ZFP30: variants seen among roughly 807,000 people sequenced by gnomAD.
ZFP30 encodes the protein ZFP30 zinc finger protein.
ZFP30 carries 16 observed loss-of-function variants against 12.3 expected under a neutral mutation model. The ratio of observed to expected loss-of-function variants is 1.30; its 90% CI spans 0.88 to 1.98. ZFP30 has a LOEUF of 1.98. Ranked by LOEUF, ZFP30 falls within the 30% of genes most tolerant of loss-of-function variation. The pLI is 0.00. For missense variants in ZFP30, 560 were observed against 611.2 expected (o/e 0.92, Z 0.88); for synonymous variants, 172 against 201.0 (o/e 0.86, Z 1.22).
chr19:37,647,642 A>G (rs2044568866), intron 3 of ZFP30, among the ~76,000 whole-genome samples, 172 bp downstream of exon 3: 1 of 152,212 alleles, frequency 6.6e-6, no homozygotes, highest in African/African-American at 2.4e-5. Flanking sequence ...CAGATGGAGA[A>G]GACAGGGGCA....
At chr19:37,646,322 A>T (rs2044543628) in intron 3 of ZFP30, among the ~76,000 whole-genome samples, 1 of 152,184 alleles carries the variant, frequency 6.6e-6, no homozygotes, top group Non-Finnish European at 1.5e-5. Context: ...TTATATTTAG[A>T]TATAGCTATA....
Position 37,635,792 on chromosome 19 carries a change from G to C in ZFP30, c.749C>G (p.Ala250Gly), listed in dbSNP as rs1194706871. 6.2e-7 allele frequency: 1 copy of C among 1,614,062 alleles called. No individual in the cohort carries two copies. The highest frequency in any genetic ancestry group is 8.5e-7 in the Non-Finnish European group (1 of 1,180,030). The change falls in exon 6 of 6, where the codon GCC (alanine) becomes GGC (glycine). Residue 250 changes from alanine (A) to glycine (G), a missense_variant. Ala to Gly is a moderately conservative substitution (Grantham distance 60). Transcript: ENST00000684514. The part of the protein sequence containing the change: ...KPYECKECGK[A>G]FRVRGQLNLH... ...ATTAAGTTGTCCTCTAACTCTAAAG[G>C]CTTTCCCACATTCTTTACATTCATA...
In ZFP30 at chr19:37,634,569, T is replaced by C. The variant is rs2044283567; in HGVS notation, c.*412A>G. ...GGAATTTTCTAATAAAGAAGAACTT[T>C]ACCTCCTTAACTTCTGGTTGCCCTG... On this transcript the variant is annotated 3_prime_UTR_variant, in exon 6 of 6. Coordinates refer to ENST00000684514, the MANE Select transcript of ZFP30 (RefSeq NM_001320669.3). 1 of 158,908 alleles carries C rather than the reference T, an allele frequency of 6.3e-6. No homozygotes were observed. Among genetic ancestry groups the C allele is most frequent in the Non-Finnish European group, 1.4e-5 (1 of 72,954 alleles). 9.8% of individuals were successfully genotyped at this position (158,908 alleles called of 1,614,324 possible).
chr19:37,636,300 C>T lies in ZFP30; in HGVS notation c.241G>A (p.Glu81Lys), dbSNP rs1355765858. ...AACTTTTTAGTGTCATATCTGGATT[C>T]CAAATCTGAAAGAAAACAAGACCAA... ...DEKRRWTLDL[E>K]SRYDTKKLFQ... Residue 81 changes from glutamate (E) to lysine (K), a missense_variant, in exon 6 of 6, where the codon GAA (glutamate) becomes AAA (lysine). By Grantham distance (56) the Glu-to-Lys change is moderately conservative (BLOSUM62 1). Transcript: ENST00000684514. 8.3e-6 allele frequency: 13 copies of T among 1,570,226 alleles called. No homozygotes were observed. Among genetic ancestry groups the T allele is most frequent in the Non-Finnish European group, 1.1e-5 (13 of 1,162,110 alleles).
chr19:37,654,681 T>G (rs1023027990), intron 2 of ZFP30, 31 bp downstream of exon 2: 1 of 152,166 alleles, frequency 6.6e-6, no homozygotes, highest in Non-Finnish European at 1.5e-5. Flanking sequence ...CGAATGCATT[T>G]CACAGAAACA....
chr19:37,638,776 ATAAT>A (rs1259287770), intron 5 of ZFP30, among the ~76,000 whole-genome samples: 3 of 152,168 alleles, frequency 2.0e-5, no homozygotes, highest in Non-Finnish European at 2.9e-5. Context: ...TTAAAAAATG[ATAAT>A]TAATAATCTA....
intron 2 of ZFP30, among the ~76,000 whole-genome samples, chr19:37,650,601 T>C (rs924280243): frequency 2.0e-5 from 3 of 152,190 alleles, no homozygotes; most frequent in Admixed American, 2.0e-4. Context: ...TTTCCACTTC[T>C]GAATTTTCAG....
At chr19:37,643,068 A>G (rs1055970735) in intron 5 of ZFP30, among the ~76,000 whole-genome samples, 197 bp downstream of exon 5, 4 of 151,402 alleles carry the variant, frequency 2.6e-5, no homozygotes, top group East Asian at 1.9e-4. Flanking sequence ...AAAAAAAAAA[A>G]AAAGAAAAAA....
At chr19:37,639,688 AT>A (rs2044397958) in intron 5 of ZFP30, among the ~76,000 whole-genome samples, 1 of 152,216 alleles carries the variant, frequency 6.6e-6, no homozygotes, top group Non-Finnish European at 1.5e-5. Context: ...TGAGAAGACA[AT>A]GGAAAAGTAA....
Position 37,652,707 on chromosome 19 carries a change from G to A in ZFP30, c.-78+2005C>T, listed in dbSNP as rs747033145. ...ATTGATCATTTTAATTTTCTTTATA[G>A]GTTCCGTAGTTACTAATATTTCACA... On this transcript the variant is annotated intron_variant, in intron 2 of 5. Transcript: ENST00000684514. Among the ~76,000 whole-genome samples, 199 of 152,054 alleles carry A rather than the reference G, an allele frequency of 1.3e-3. 1 individual carries two copies. The highest frequency in any genetic ancestry group is 1.2e-3 in the Non-Finnish European group (82 of 68,022).
intron 5 of ZFP30, among the ~76,000 whole-genome samples, chr19:37,642,188 T>C (rs1160447909): frequency 2.0e-5 from 3 of 152,228 alleles, no homozygotes; most frequent in Non-Finnish European, 2.9e-5. Context: ...TGAACACTTT[T>C]ATTAAGAGAA....
At chr19:37,649,019 C>T (rs867744988) in intron 2 of ZFP30, among the ~76,000 whole-genome samples, 1 of 151,810 alleles carries the variant, frequency 6.6e-6, no homozygotes, top group Non-Finnish European at 1.5e-5. Flanking sequence ...GGGAGGATTG[C>T]TTGATGCCAG....
Position 37,635,777 on chromosome 19 carries a change from CCTCTAA to C in ZFP30, c.758_763del (p.Val253_Arg254del), listed in dbSNP as rs755078692. On this transcript the variant is annotated inframe_deletion, in exon 6 of 6. Coordinates refer to ENST00000684514, the MANE Select transcript of ZFP30 (RefSeq NM_001320669.3). ...AATCCTTTGATGGAGATTAAGTTGT[CCTCTAA>C]CTCTAAAGGCTTTCCCACATTCTTT... 6.2e-7 allele frequency: 1 copy of C among 1,613,360 alleles called. No homozygotes were observed. The highest frequency in any genetic ancestry group is 8.5e-7 in the Non-Finnish European group (1 of 1,179,880).
At chr19:37,655,036 C>G (rs971379962) in intron 1 of ZFP30, 157 bp from the exon 2 acceptor site, 1 of 152,330 alleles carries the variant, frequency 6.6e-6, no homozygotes, top group South Asian at 2.1e-4. Flanking sequence ...TCCTAGACCC[C>G]AGACACCCAC....
At position 37,635,667 on chromosome 19, in the gene ZFP30, T is replaced by C. The variant is rs1213343200; in HGVS notation, c.874A>G (p.Asn292Asp). ...CACTCATAGCACTTCTCAGCAATGT[T>C]CAGTCTCTGATGTCGAGTAAGGTGT... Reference protein sequence around the residue: ...YAHLTRHQRLNIAEKCYECKE... With the variant: ...YAHLTRHQRLDIAEKCYECKE... Residue 292 changes from asparagine to aspartate, a missense_variant, in exon 6 of 6, where the codon AAC becomes GAC. By Grantham distance (23) the Asn-to-Asp change is conservative. Transcript: ENST00000684514. The C allele has an allele frequency of 1.2e-5, 19 of 1,613,790 alleles. No homozygotes were observed. The highest frequency in any genetic ancestry group is 1.6e-5 in the Non-Finnish European group (19 of 1,179,986).
In ZFP30 at chr19:37,631,056, TCAGA is replaced by T. The variant is rs1276004548; in HGVS notation, c.*3921_*3924del. The T allele has an allele frequency of 1.3e-5, 2 of 152,228 alleles. No individual in the cohort carries two copies. The highest frequency in any genetic ancestry group is 4.8e-5 in the African/African-American group (2 of 41,458). The allele number at this position is 152,228 out of a possible 1,614,324, so 9.4% of individuals were successfully genotyped here. On this transcript the variant is annotated 3_prime_UTR_variant, in exon 6 of 6. Coordinates refer to ENST00000684514, the MANE Select transcript of ZFP30 (RefSeq NM_001320669.3). ...CTGCAGAAAAGCAACAGTTCAATATTCAGAAAGAACAGGTGACTTTAGAACATGA... is the reference window on the plus strand; with the variant it reads ...CTGCAGAAAAGCAACAGTTCAATATTAAGAACAGGTGACTTTAGAACATGA...
chr19:37,635,550 A>G lies in ZFP30; in HGVS notation c.991T>C (p.Cys331Arg). 3 of 1,613,850 alleles carry G rather than the reference A, an allele frequency of 1.9e-6. No homozygotes were observed. The highest frequency in any genetic ancestry group is 2.5e-6 in the Non-Finnish European group (3 of 1,179,986). Residue 331 changes from cysteine (C) to arginine (R), a missense_variant, in exon 6 of 6, where the codon TGT becomes CGT. Cys to Arg is a radical substitution (Grantham distance 180). Coordinates refer to ENST00000684514, the MANE Select transcript of ZFP30 (RefSeq NM_001320669.3). ...TGEKPYECKE[C>R]GKAFRVRQQL... is the part of the protein sequence containing the mutation. Reference sequence around the variant, plus strand: ...TGCCGCACTCTAAAGGCCTTTCCACACTCCTTACATTCATAGGGTTTTTCT... The same window carrying G: ...TGCCGCACTCTAAAGGCCTTTCCACGCTCCTTACATTCATAGGGTTTTTCT...
Position 37,632,420 on chromosome 19 carries a change from T to G in ZFP30, c.*2561A>C, listed in dbSNP as rs1039233313. On this transcript the variant is annotated 3_prime_UTR_variant, in exon 6 of 6. Coordinates refer to ENST00000684514, the MANE Select transcript of ZFP30 (RefSeq NM_001320669.3). Reference sequence around the variant, plus strand: ...AGCTGTAGCTGTGTAATCTTTCATATTTCTGTGATCAAAACTGCAAAGGTC... The same window carrying G: ...AGCTGTAGCTGTGTAATCTTTCATAGTTCTGTGATCAAAACTGCAAAGGTC... 1 of 152,146 alleles carries G rather than the reference T, an allele frequency of 6.6e-6. No individual in the cohort carries two copies. The highest frequency in any genetic ancestry group is 2.4e-5 in the African/African-American group (1 of 41,432). 9.4% of individuals were successfully genotyped at this position (152,146 alleles called of 1,614,324 possible).
At position 37,635,308 on chromosome 19, in the gene ZFP30, T is replaced by C; in HGVS notation, c.1233A>G (p.Glu411=). The C allele has an allele frequency of 6.2e-7, 1 of 1,613,716 alleles. No individual in the cohort carries two copies. Among genetic ancestry groups the C allele is most frequent in the Non-Finnish European group, 8.5e-7 (1 of 1,179,800 alleles). The part of the protein sequence containing the change: ...QGIHIGEKPY[E]CKECGKAFRL... ...TAAATGCCTTCCCACATTCCTTACATTCATAAGGTTTCTCTCCAATGTGAA... is the reference window on the plus strand; with the variant it reads ...TAAATGCCTTCCCACATTCCTTACACTCATAAGGTTTCTCTCCAATGTGAA... The change falls in exon 6 of 6, where the codon GAA becomes GAG. Residue 411 remains glutamate, a synonymous_variant. Transcript: ENST00000684514.
Sources: allele counts gnomAD v4.1 joint callset (sites outside exome capture counted in the v4.1 genomes callset), GRCh38; gene constraint gnomAD v4.1.1; transcripts MANE v1.5; gene names NCBI Gene and HGNC (gene_info 2026-07-23, HGNC 2026-07-21).